Variants in MLXIP observed in about 807,000 individuals in gnomAD.
MLXIP encodes the protein MLX interacting protein, also known as MLX-interacting protein.
A neutral mutation model predicts 87.2 loss-of-function variants in MLXIP; 30 were observed. The ratio of observed to expected loss-of-function variants is 0.34; its 90% CI spans 0.26 to 0.47. MLXIP has a LOEUF of 0.47. MLXIP is among the 20% of genes least tolerant of loss of function. MLXIP has a pLI of 1.00. For synonymous variants in MLXIP, 530 were observed against 514.0 expected (o/e 1.03, Z -0.42); for missense variants, 1,002 against 1,240.1 (o/e 0.81, Z 2.88).
chr12:122,128,489 G>A (rs1042146149), intron 3 of MLXIP: 4 of 158,728 alleles, frequency 2.5e-5, no homozygotes, highest in Non-Finnish European at 5.5e-5. Flanking sequence ...CAGTATCAAG[G>A]GATATCATTT....
intron 4 of MLXIP, 173 bp downstream of exon 4, chr12:122,129,399 G>A (rs932366512): frequency 3.6e-5 from 13 of 357,344 alleles, no homozygotes; most frequent in Non-Finnish European, 5.1e-5. Flanking sequence ...GGCCTGCCTC[G>A]GTCAGGTTGT....
chr12:122,096,958 TGGAA>T (rs1389336786), intron 1 of MLXIP, among the ~76,000 whole-genome samples: 1 of 152,216 alleles, frequency 6.6e-6, no homozygotes, highest in Non-Finnish European at 1.5e-5. Flanking sequence ...ACTTGGTACA[TGGAA>T]GGAAGAGCTG....
At chr12:122,110,195 G>A (rs567131345) in intron 1 of MLXIP, among the ~76,000 whole-genome samples, 2 of 152,168 alleles carry the variant, frequency 1.3e-5, no homozygotes, top group Non-Finnish European at 2.9e-5. Context: ...GCTCACGTCT[G>A]TAATCTTAGC....
chr12:122,129,541 C>T (rs747778408), intron 4 of MLXIP, 47 bp from the exon 5 acceptor site: 1 of 1,607,732 alleles, frequency 6.2e-7, no homozygotes, highest in South Asian at 1.1e-5. Context: ...CCCTTGGGCC[C>T]TCCTAGGGCC....
Position 122,135,199 on chromosome 12 carries a change from C to T in MLXIP, c.1733-25C>T. The T allele has an allele frequency of 6.2e-7, 1 of 1,610,966 alleles. No individual in the cohort carries two copies. On this transcript the variant is annotated intron_variant, in intron 9 of 16. Transcript: ENST00000319080. The surrounding 1 kb of genome is among the most constrained non-coding windows in gnomAD (Gnocchi z 5.3). Reference sequence around the variant, plus strand: ...CAGGCCCTGTGGCCCAGGGCTGCACCTGAACATCCTCCTTATCCTGGCAGC... The same window carrying T: ...CAGGCCCTGTGGCCCAGGGCTGCACTTGAACATCCTCCTTATCCTGGCAGC...
At chr12:122,125,527 T>G (rs1373737029) in intron 1 of MLXIP, among the ~76,000 whole-genome samples, 7 of 152,190 alleles carry the variant, frequency 4.6e-5, no homozygotes, top group Admixed American at 3.9e-4. Context: ...GAGGCGTCAT[T>G]CTGATTTTAC....
intron 1 of MLXIP, among the ~76,000 whole-genome samples, chr12:122,091,847 T>C (rs1952249646): frequency 6.6e-6 from 1 of 152,160 alleles, no homozygotes; most frequent in African/African-American, 2.4e-5. Flanking sequence ...ATTCTTGCCA[T>C]GTGGGAATGT....
At chr12:122,110,328 C>T (rs1952584611) in intron 1 of MLXIP, among the ~76,000 whole-genome samples, 2 of 151,944 alleles carry the variant, frequency 1.3e-5, no homozygotes, top group Non-Finnish European at 2.9e-5. Context: ...GCTCTTGTTG[C>T]CCAGGCTGGA....
chr12:122,115,316 G>A (rs933755881), intron 1 of MLXIP, among the ~76,000 whole-genome samples: 1 of 151,878 alleles, frequency 6.6e-6, no homozygotes, highest in Non-Finnish European at 1.5e-5. Flanking sequence ...GGCTGGGCGC[G>A]GTGTCTCACG....
In MLXIP at chr12:122,078,925, C is replaced by G; in HGVS notation, c.72C>G (p.Pro24=). The change falls in exon 1 of 17, where the codon CCC becomes CCG. Residue 24 remains proline (P), a synonymous_variant. Coordinates refer to ENST00000319080, the MANE Select transcript of MLXIP (RefSeq NM_014938.6). The part of the protein sequence containing the change: ...RSRGRQVLLK[P]QVSEDDDDSD... ...GGGGCCGCCAGGTGCTGCTCAAGCC[C>G]CAGGTGTCCGAGGACGACGACGACT... The G allele has an allele frequency of 1.8e-6, 2 of 1,133,826 alleles. No individual in the cohort carries two copies. Among genetic ancestry groups the G allele is most frequent in the Non-Finnish European group, 2.2e-6 (2 of 920,472 alleles). The allele number at this position is 1,133,826 out of a possible 1,614,324, so 70.2% of individuals were successfully genotyped here.
At chr12:122,136,459 C>CAAAAAAAAAAA (rs1224302321) in intron 11 of MLXIP, 18 of 28,130 alleles carry the variant, frequency 6.4e-4, no homozygotes, top group African/African-American at 1.3e-3. Context: ...TCAAAAAATG[C>CAAAAAAAAAAA]AAAAAAAAAA....
At position 122,135,034 on chromosome 12, in the gene MLXIP, C is replaced by T. The variant is rs1323572132; in HGVS notation, c.1733-190C>T. The T allele has an allele frequency of 1.6e-6, 1 of 638,976 alleles. No homozygotes were observed. 39.6% of individuals were successfully genotyped at this position (638,976 alleles called of 1,614,324 possible). Reference sequence around the variant, plus strand: ...AGTGTGAAAACATGGTCCTGGCCATCTCTTTCCTGGGTCTATAACATGTCT... The same window carrying T: ...AGTGTGAAAACATGGTCCTGGCCATTTCTTTCCTGGGTCTATAACATGTCT... On this transcript the variant is annotated intron_variant, in intron 9 of 16. Coordinates refer to ENST00000319080, the MANE Select transcript of MLXIP (RefSeq NM_014938.6). The surrounding 1 kb of genome is among the most constrained non-coding windows in gnomAD (Gnocchi z 5.3).
chr12:122,106,016 T>C (rs28414202), intron 1 of MLXIP, among the ~76,000 whole-genome samples: 76,951 of 152,134 alleles, frequency 0.51, 19,977 homozygotes, highest in Middle Eastern at 0.64. Flanking sequence ...TTTTCAAGGA[T>C]TTGCCTGTTG....
intron 1 of MLXIP, among the ~76,000 whole-genome samples, chr12:122,089,700 G>A (rs1051963948): frequency 1.3e-5 from 2 of 152,152 alleles, no homozygotes; most frequent in African/African-American, 2.4e-5. Flanking sequence ...GATCCCCAGA[G>A]TACATCCATG....
chr12:122,129,074 C>G, intron 3 of MLXIP, 63 bp from the exon 4 acceptor site: 3 of 1,351,890 alleles, frequency 2.2e-6, no homozygotes, highest in Non-Finnish European at 3.1e-6. Context: ...ACTCAGTACA[C>G]CAGTTGAGCT....
rs1161638698 is a variant in MLXIP, at chr12:122,130,896, T to C, written c.963T>C (p.Pro321=). The C allele has an allele frequency of 6.2e-7, 1 of 1,613,732 alleles. No individual in the cohort carries two copies. The highest frequency in any genetic ancestry group is 8.5e-7 in the Non-Finnish European group (1 of 1,179,774). ...AGCCGGGACTGATTCCTTTGCAGCC[T>C]AACCTGGACTTCATGGACACCTTTG... ...MIQPGLIPLQ[P]NLDFMDTFEP... is the part of the protein sequence containing the mutation. Residue 321 remains proline (P), a synonymous_variant, in exon 7 of 17, where the codon CCT becomes CCC. Coordinates refer to ENST00000319080, the MANE Select transcript of MLXIP (RefSeq NM_014938.6).
At chr12:122,141,162 G>C in intron 16 of MLXIP, 79 bp downstream of exon 16, 1 of 1,499,194 alleles carries the variant, frequency 6.7e-7, no homozygotes, top group Non-Finnish European at 8.9e-7. Flanking sequence ...GACAGTATTA[G>C]CCAGACTCCA....
chr12:122,132,621 G>A, intron 8 of MLXIP: 3 of 510,400 alleles, frequency 5.9e-6, no homozygotes, highest in African/African-American at 1.9e-5. Flanking sequence ...TGAGTGCCAG[G>A]TAACCTATGT....
chr12:122,103,521 C>CTT (rs36181949), intron 1 of MLXIP, among the ~76,000 whole-genome samples: 15 of 111,306 alleles, frequency 1.3e-4, no homozygotes, highest in African/African-American at 3.7e-4. Flanking sequence ...TGCACCTGGC[C>CTT]TTTTTTTTTT....
Sources: gnomAD v4.1 joint callset for allele counts (sites outside exome capture counted in the v4.1 genomes callset) on GRCh38, gnomAD v4.1.1 for gene constraint, Gnocchi (gnomAD v3.1) non-coding constraint, MANE v1.5 for transcripts, NCBI Gene and HGNC (gene_info 2026-07-23, HGNC 2026-07-21) for gene names.